DDX10: variants seen among roughly 807,000 people sequenced by gnomAD.
DDX10 encodes the protein probable ATP-dependent RNA helicase DDX10.
In DDX10, 74 loss-of-function variants were observed where a neutral mutation model predicts 104.3. The ratio of observed to expected loss-of-function variants is 0.71; its 90% CI spans 0.59 to 0.86. The LOEUF is 0.86. Among genes scored for constraint, DDX10 ranks in the 40% least tolerant of loss-of-function variants. DDX10 has a pLI of 0.00. For synonymous variants in DDX10, 351 were observed against 353.4 expected (o/e 0.99, Z 0.08); for missense variants, 952 against 1,040.0 (o/e 0.92, Z 1.16).
At chr11:108,876,601 A>C (rs1863157091) in intron 16 of DDX10, among the ~76,000 whole-genome samples, 1 of 152,158 alleles carries the variant, frequency 6.6e-6, no homozygotes, top group Non-Finnish European at 1.5e-5. Flanking sequence ...ATCTTGAACA[A>C]GTTTCTTAAA....
At chr11:108,906,709 CAA>C (rs1362322564) in intron 16 of DDX10, among the ~76,000 whole-genome samples, 2 of 152,020 alleles carry the variant, frequency 1.3e-5, no homozygotes, top group African/African-American at 4.8e-5. Context: ...TCAGAAAAGA[CAA>C]GAAATAAAGA....
At chr11:108,845,769 A>G (rs1329449727) in intron 15 of DDX10, among the ~76,000 whole-genome samples, 1 of 152,076 alleles carries the variant, frequency 6.6e-6, no homozygotes, top group Non-Finnish European at 1.5e-5. Flanking sequence ...TTTTTTCAGC[A>G]TGTTCAAAAT....
chr11:108,706,828 A>C lies in DDX10; in HGVS notation c.1313A>C (p.Lys438Thr). 1 of 1,613,472 alleles carries C rather than the reference A, an allele frequency of 6.2e-7. No homozygotes were observed. The highest frequency in any genetic ancestry group is 8.5e-7 in the Non-Finnish European group (1 of 1,179,426). ...QQLLQKKVPVKEIKINPEKLI... is the reference protein window; with the variant it reads ...QQLLQKKVPVTEIKINPEKLI... ...CTTCTTCAGAAGAAAGTACCTGTGA[A>C]GGAAATCAAGTAAGAGCTACTTGTT... is the stretch of plus-strand genomic sequence containing the variant. The change falls in exon 10 of 18, where the codon AAG (lysine) becomes ACG (threonine). Residue 438 changes from lysine to threonine, a missense_variant. Physicochemically the swap from Lys to Thr is moderately conservative, Grantham distance 78. Transcript: ENST00000322536.
At chr11:108,848,689 A>T (rs956982926) in intron 15 of DDX10, among the ~76,000 whole-genome samples, 2 of 152,198 alleles carry the variant, frequency 1.3e-5, no homozygotes, top group Non-Finnish European at 2.9e-5. Flanking sequence ...TGAGACAAGT[A>T]TTCAGAATTA....
intron 16 of DDX10, among the ~76,000 whole-genome samples, chr11:108,857,984 G>A (rs1431380538): frequency 1.3e-5 from 2 of 152,152 alleles, no homozygotes; most frequent in African/African-American, 4.8e-5. Context: ...ACAGAATATT[G>A]TGCATCTCCT....
intron 13 of DDX10, among the ~76,000 whole-genome samples, chr11:108,787,752 G>C (rs576836952): frequency 6.6e-6 from 1 of 152,150 alleles, no homozygotes; most frequent in South Asian, 2.1e-4. Context: ...TCACCATGGA[G>C]AAACCCCGTC....
At chr11:108,687,665 A>G (rs919146493) in intron 6 of DDX10, among the ~76,000 whole-genome samples, 1 of 152,202 alleles carries the variant, frequency 6.6e-6, no homozygotes, top group Non-Finnish European at 1.5e-5. Flanking sequence ...AGTTGTTTGT[A>G]TATTTTGGAG....
Position 108,900,727 on chromosome 11 carries a change from C to T in DDX10, c.2305-17146C>T, listed in dbSNP as rs188068039. Among the ~76,000 whole-genome samples the T allele has an allele frequency of 3.9e-5, 6 of 152,270 alleles. No homozygotes were observed. The East Asian group carries it at 9.7e-4, about 25-fold the overall frequency. ...CATACATGCCCAAGTTTGCCCCATA[C>T]AGTCATCAGGTTAGCAGTGGAATTG... On this transcript the variant is annotated intron_variant, in intron 16 of 17. Transcript: ENST00000322536.
intron 13 of DDX10, among the ~76,000 whole-genome samples, chr11:108,778,084 A>G (rs1264444724): frequency 1.3e-5 from 2 of 152,242 alleles, no homozygotes; most frequent in African/African-American, 4.8e-5. Context: ...GCTCATGGAT[A>G]GGAAGAGTCA....
chr11:108,750,281 A>G (rs1349438930), intron 13 of DDX10, among the ~76,000 whole-genome samples: 3 of 152,190 alleles, frequency 2.0e-5, no homozygotes, highest in African/African-American at 7.2e-5. Flanking sequence ...AGTACCCACT[A>G]CCAGCTTATT....
intron 16 of DDX10, among the ~76,000 whole-genome samples, chr11:108,893,983 A>G (rs1236840694): frequency 1.3e-5 from 2 of 152,124 alleles, no homozygotes; most frequent in East Asian, 1.9e-4. Context: ...AAAACTGATT[A>G]TATTAAATGT....
At chr11:108,918,435 C>G (rs753241021) in intron 17 of DDX10, 9 of 176,740 alleles carry the variant, frequency 5.1e-5, no homozygotes, top group Admixed American at 1.2e-4. Context: ...AAAAATTGTC[C>G]TTGAATTTTA....
At chr11:108,903,230 T>C (rs1358086542) in intron 16 of DDX10, among the ~76,000 whole-genome samples, 1 of 152,118 alleles carries the variant, frequency 6.6e-6, no homozygotes, top group Non-Finnish European at 1.5e-5. Context: ...CCTTTCCCCC[T>C]CATCCTTGGC....
chr11:108,796,970 C>G (rs929268544), intron 13 of DDX10, among the ~76,000 whole-genome samples: 1 of 152,114 alleles, frequency 6.6e-6, no homozygotes, highest in Admixed American at 6.5e-5. Flanking sequence ...CTTGTACTTC[C>G]CAGTCTCTGG....
chr11:108,932,495 T>A (rs535947689), intron 17 of DDX10, among the ~76,000 whole-genome samples: 134 of 152,040 alleles, frequency 8.8e-4, no homozygotes, highest in Admixed American at 1.5e-3. Context: ...TTTTTGCCAG[T>A]CTCCAGTCTT....
intron 13 of DDX10, among the ~76,000 whole-genome samples, chr11:108,748,514 A>G (rs1024292541): frequency 2.6e-5 from 4 of 152,204 alleles, no homozygotes; most frequent in Non-Finnish European, 4.4e-5. Flanking sequence ...ATAATGCACC[A>G]TATACTGGGT....
chr11:108,702,179 A>G (rs915039730), intron 9 of DDX10, among the ~76,000 whole-genome samples: 1 of 152,202 alleles, frequency 6.6e-6, no homozygotes, highest in Admixed American at 6.5e-5. Flanking sequence ...TCTTAAAAAC[A>G]TAGTTTTTTT....
At chr11:108,736,823 AT>A (rs954685613) in intron 13 of DDX10, among the ~76,000 whole-genome samples, 22 of 152,298 alleles carry the variant, frequency 1.4e-4, no homozygotes, top group African/African-American at 5.1e-4. Context: ...TTCTTTATAA[AT>A]TACACTGTTC....
intron 13 of DDX10, chr11:108,822,422 G>T: frequency 2.5e-6 from 1 of 392,586 alleles, no homozygotes; most frequent in East Asian, 7.9e-5. Context: ...TTTGTTCCAG[G>T]GATGTTCTTC....
Sources: gnomAD v4.1 joint callset for allele counts (sites outside exome capture counted in the v4.1 genomes callset) on GRCh38, gnomAD v4.1.1 for gene constraint, MANE v1.5 for transcripts, NCBI Gene and HGNC (gene_info 2026-07-23, HGNC 2026-07-21) for gene names.